Variants in NUTM2G observed in about 807,000 individuals in gnomAD.
NUTM2G encodes family with sequence similarity 22, member G.
NUTM2G carries 29 observed loss-of-function variants against 44.3 expected under a neutral mutation model. That is an observed-to-expected ratio of 0.66 (90% CI 0.49 to 0.89). The LOEUF is 0.89. Among genes scored for constraint, NUTM2G ranks in the 40% least tolerant of loss-of-function variants. The pLI is 0.00. For synonymous variants in NUTM2G, 205 were observed against 395.9 expected (o/e 0.52, Z 5.72); for missense variants, 502 against 946.5 (o/e 0.53, Z 6.16).
At chr9:96,933,752 TG>T in intron 2 of NUTM2G, 1 of 153,038 alleles carries the variant, frequency 6.5e-6, no homozygotes, top group Non-Finnish European at 1.5e-5. Context: ...CACATGGGGC[TG>T]GGGGGAGGAG....
At chr9:96,937,687 T>C (rs1203482660) in intron 5 of NUTM2G, among the ~76,000 whole-genome samples, 198 bp from the exon 6 acceptor site, 1 of 149,326 alleles carries the variant, frequency 6.7e-6, no homozygotes, top group African/African-American at 2.6e-5. Context: ...TGTGTCTGTG[T>C]GTGGTTTGTG....
downstream of NUTM2G, among the ~76,000 whole-genome samples, chr9:96,940,591 C>T (rs1294357728): frequency 6.6e-6 from 1 of 150,632 alleles, no homozygotes; most frequent in Non-Finnish European, 1.5e-5. Context: ...GTTCTGATTC[C>T]TCTCCAGGGC....
At chr9:96,941,933 G>GT (rs1442866035), downstream of NUTM2G, among the ~76,000 whole-genome samples, 12 of 148,520 alleles carry the variant, frequency 8.1e-5, no homozygotes, top group African/African-American at 2.8e-4. Context: ...CCATGACATC[G>GT]TCATATCCAC....
rs1198565325 is a variant in NUTM2G at position 96,932,364 on chromosome 9, CCCGGAGGCA to C, written c.662_670del (p.Arg221_His223del). ...CTCTGGCAGCACTACAAGCCCCTGGCCCGGAGGCACCTTCCCCAGAGTCCTGACACTGAA... is the reference window on the plus strand; with the variant it reads ...CTCTGGCAGCACTACAAGCCCCTGGCCCTTCCCCAGAGTCCTGACACTGAA... On this transcript the variant is annotated inframe_deletion, in exon 2 of 7. Coordinates refer to ENST00000372322, the MANE Select transcript of NUTM2G (RefSeq NM_001170741.3). The C allele has an allele frequency of 6.2e-7, 1 of 1,610,906 alleles. No homozygotes were observed. The highest frequency in any genetic ancestry group is 1.3e-5 in the African/African-American group (1 of 74,864).
chr9:96,930,659 C>T (rs918877598), intron 1 of NUTM2G, among the ~76,000 whole-genome samples: 8 of 149,190 alleles, frequency 5.4e-5, no homozygotes, highest in Non-Finnish European at 1.2e-4. Flanking sequence ...CAGGGGACTC[C>T]ACCACTGCTT....
At position 96,937,978 on chromosome 9, in the gene NUTM2G, G is replaced by A. The variant is rs1826496933; in HGVS notation, c.1417G>A (p.Glu473Lys). The A allele has an allele frequency of 2.5e-6, 4 of 1,612,244 alleles. No homozygotes were observed. The highest frequency in any genetic ancestry group is 3.4e-6 in the Non-Finnish European group (4 of 1,179,844). The change falls in exon 6 of 7, where the codon GAG becomes AAG. Residue 473 changes from glutamate (E) to lysine (K), a missense_variant. Physicochemically the swap from Glu to Lys is moderately conservative, Grantham distance 56. Transcript: ENST00000372322. ...FLALSQELEQ[E>K]EGLTLAQLVE... ...GGCCCTAAGCCAGGAGCTGGAGCAG[G>A]AGGAAGGACTCACCCTTGCCCAGGT...
intron 2 of NUTM2G, among the ~76,000 whole-genome samples, chr9:96,932,982 T>C (rs1201140532): frequency 2.0e-5 from 3 of 147,498 alleles, no homozygotes; most frequent in Admixed American, 6.7e-5. Context: ...TCTTTTCTTT[T>C]TTTTTTTTTT....
chr9:96,933,271 C>CTGTGTGGAAA (rs1826328768), intron 2 of NUTM2G, among the ~76,000 whole-genome samples: 1 of 151,924 alleles, frequency 6.6e-6, no homozygotes, highest in East Asian at 1.9e-4. Flanking sequence ...ACCCACCGTG[C>CTGTGTGGAAA]CCGGCTTTTA....
At chr9:96,936,944 T>C in intron 4 of NUTM2G, 120 bp from the exon 5 acceptor site, 1 of 1,345,670 alleles carries the variant, frequency 7.4e-7, no homozygotes, top group Non-Finnish European at 1.0e-6. Flanking sequence ...GGCGCTGTGG[T>C]TCAGGTGGTC....
At chr9:96,933,867 A>T (rs1413665953) in intron 2 of NUTM2G, 3 of 152,102 alleles carry the variant, frequency 2.0e-5, no homozygotes, top group Admixed American at 6.5e-5. Context: ...TGGGACCCGC[A>T]CTAGGGTCGA....
chr9:96,930,884 T>G (rs1334618715), intron 1 of NUTM2G, among the ~76,000 whole-genome samples: 3 of 68,496 alleles, frequency 4.4e-5, no homozygotes, highest in Admixed American at 2.7e-4. Context: ...TTTTTTTTTT[T>G]TTTTTTTTTT....
In NUTM2G at chr9:96,937,886, T is replaced by A. The variant is rs550556878; in HGVS notation, c.1325T>A (p.Val442Glu). The A allele has an allele frequency of 5.8e-5, 93 of 1,610,238 alleles. No homozygotes were observed. In the African/African-American group the frequency reaches 1.2e-3, roughly 21 times the overall value. The change falls in exon 6 of 7, where the codon GTG becomes GAG. Residue 442 changes from valine (V) to glutamate (E), a missense_variant and splice_region_variant. By Grantham distance (121) the Val-to-Glu change is moderately radical (BLOSUM62 -2). Transcript: ENST00000372322. ...LCSQEDFVTK[V>E]EAVIHPRFLE... ...ACACCTTCTTCCTTCTGTTTCCAGG[T>A]GGAGGCCGTCATTCACCCCCGATTC...
chr9:96,932,896 G>A (rs1189946072), intron 2 of NUTM2G, among the ~76,000 whole-genome samples: 27 of 151,066 alleles, frequency 1.8e-4, no homozygotes, highest in Non-Finnish European at 1.0e-4. Flanking sequence ...TGATCTGCCC[G>A]CCTCAGCCTC....
chr9:96,933,373 T>TTTTGTTTG (rs367889105), intron 2 of NUTM2G: 3 of 151,414 alleles, frequency 2.0e-5, no homozygotes, highest in African/African-American at 7.3e-5. Context: ...TTTAGGTCTT[T>TTTTGTTTG]TTTGTTTGTT....
At position 96,939,067 on chromosome 9, in the gene NUTM2G, TG is replaced by T; in HGVS notation, c.2147del (p.Gly716ValfsTer65). 1.6e-6 allele frequency: 2 copies of T among 1,257,690 alleles called. No homozygotes were observed. Among genetic ancestry groups the T allele is most frequent in the Non-Finnish European group, 2.1e-6 (2 of 942,528 alleles). 77.9% of individuals were successfully genotyped at this position (1,257,690 alleles called of 1,614,324 possible). On this transcript the variant is annotated frameshift_variant, in exon 7 of 7. Coordinates refer to ENST00000372322, the MANE Select transcript of NUTM2G (RefSeq NM_001170741.3). LOFTEE classifies it low-confidence loss of function (END_TRUNC). Reference sequence around the variant, plus strand: ...GGGGAGCAATCCCTGGCTTGGGGGCTGGGTGGCCCCTCACAGTCTCAAAAGA... The same window carrying T: ...GGGGAGCAATCCCTGGCTTGGGGGCTGGTGGCCCCTCACAGTCTCAAAAGA... ...VSGEQSLAWG[L>X]GGPSQSQKRK...
At chr9:96,929,858 C>A (rs1215958300) in intron 1 of NUTM2G, among the ~76,000 whole-genome samples, 1 of 151,592 alleles carries the variant, frequency 6.6e-6, no homozygotes, top group East Asian at 1.9e-4. Context: ...TATACTACCT[C>A]ATGAACGGGC....
rs377529446 is a variant in NUTM2G at position 96,938,539 on chromosome 9, C to T, written c.1616C>T (p.Thr539Met). ...RVSVETSPPQTAAQDPQGQGR... is the reference protein window; with the variant it reads ...RVSVETSPPQMAAQDPQGQGR... ...AGCGTGGAAACCTCCCCACCCCAGA[C>T]GGCTGCCCAGGACCCTCAGGGACAG... The change falls in exon 7 of 7, where the codon ACG becomes ATG. Residue 539 changes from threonine to methionine, a missense_variant. Coordinates refer to ENST00000372322, the MANE Select transcript of NUTM2G (RefSeq NM_001170741.3). The T allele has an allele frequency of 7.4e-5, 120 of 1,613,690 alleles. No homozygotes were observed. The highest frequency in any genetic ancestry group is 8.8e-5 in the Non-Finnish European group (104 of 1,179,664).
At position 96,937,303 on chromosome 9, in the gene NUTM2G, G is replaced by A; in HGVS notation, c.1222G>A (p.Gly408Ser). The A allele has an allele frequency of 6.2e-7, 1 of 1,613,878 alleles. No homozygotes were observed. The highest frequency in any genetic ancestry group is 8.5e-7 in the Non-Finnish European group (1 of 1,179,864). Residue 408 changes from glycine (G) to serine (S), a missense_variant, in exon 5 of 7, where the codon GGC becomes AGC. Physicochemically the swap from Gly to Ser is moderately conservative, Grantham distance 56. Coordinates refer to ENST00000372322, the MANE Select transcript of NUTM2G (RefSeq NM_001170741.3). ...GGAGCCTGAGGGACAACGGGAAAAG[G>A]GCAAAGTGGAGCAGCCGCAGGAAGA... Reference protein sequence around the residue: ...TGEPEGQREKGKVEQPQEEDG... With the variant: ...TGEPEGQREKSKVEQPQEEDG...
At position 96,938,590 on chromosome 9, in the gene NUTM2G, G is replaced by T. The variant is rs1266145203; in HGVS notation, c.1667G>T (p.Arg556Met). 3 of 1,612,576 alleles carry T rather than the reference G, an allele frequency of 1.9e-6. No homozygotes were observed. Among genetic ancestry groups the T allele is most frequent in the East Asian group, 4.5e-5 (2 of 44,566 alleles). ...GGCAGAGTGCGCACTGGCATGGCCA[G>T]GTCCGAAGACCCTGCTGTGCTTTTG... ...GQGRVRTGMA[R>M]SEDPAVLLGC... Residue 556 changes from arginine (R) to methionine (M), a missense_variant, in exon 7 of 7, where the codon AGG (arginine) becomes ATG (methionine). Physicochemically the swap from Arg to Met is moderately conservative, Grantham distance 91. Coordinates refer to ENST00000372322, the MANE Select transcript of NUTM2G (RefSeq NM_001170741.3).
Sources: gnomAD v4.1 joint callset for allele counts (sites outside exome capture counted in the v4.1 genomes callset) on GRCh38, gnomAD v4.1.1 for gene constraint, MANE v1.5 for transcripts, NCBI Gene and HGNC (gene_info 2026-07-23, HGNC 2026-07-21) for gene names.